ZFHX3: variants seen among roughly 807,000 people sequenced by gnomAD.
The protein encoded by ZFHX3 is zinc finger homeobox protein 3.
ZFHX3 carries 42 observed loss-of-function variants against 279.1 expected under a neutral mutation model. The ratio of observed to expected loss-of-function variants is 0.15; its 90% CI spans 0.12 to 0.19. ZFHX3 has a LOEUF of 0.19. ZFHX3 is among the 10% of genes least tolerant of loss of function. ZFHX3 has a pLI of 1.00. For synonymous variants in ZFHX3, 2,293 were observed against 1,957.8 expected (o/e 1.17, Z -4.52); for missense variants, 4,981 against 4,754.0 (o/e 1.05, Z -1.40).
chr16:73,233,840 C>T (rs1219532030), intron 5 of ZFHX3: 4 of 152,192 alleles, frequency 2.6e-5, no homozygotes, highest in Non-Finnish European at 5.9e-5. Flanking sequence ...TATCCTCCTT[C>T]TTTTCTGATT....
chr16:73,217,400 T>C (rs1490424471), intron 5 of ZFHX3, among the ~76,000 whole-genome samples: 1 of 151,986 alleles, frequency 6.6e-6, no homozygotes, highest in Non-Finnish European at 1.5e-5. Flanking sequence ...AAAATCTGAG[T>C]CAAATAAGGA....
rs980257462 is a variant in ZFHX3, at chr16:72,795,847, G to A, written c.6835C>T (p.Leu2279=). 6 of 1,614,106 alleles carry A rather than the reference G, an allele frequency of 3.7e-6. No homozygotes were observed. The highest frequency in any genetic ancestry group is 5.1e-6 in the Non-Finnish European group (6 of 1,180,064). ...ACTATCACTCGGGTTGGAAGGTTCA[G>A]TAAATTAGAGAGTTGCTCAAATTCA... ...DDEFEQLSNL[L]NLPTRVIVVW... Residue 2279 remains leucine, a synonymous_variant, in exon 9 of 10, where the codon CTG becomes TTG. Coordinates refer to ENST00000268489, the MANE Select transcript of ZFHX3 (RefSeq NM_006885.4).
intron 4 of ZFHX3, among the ~76,000 whole-genome samples, chr16:72,841,572 A>G (rs1399942474): frequency 6.6e-6 from 1 of 152,098 alleles, no homozygotes; most frequent in African/African-American, 2.4e-5. Context: ...GTACAATGAA[A>G]CGGTCTTTTG....
rs369156974 is a variant in ZFHX3 at position 72,950,504 on chromosome 16, T to C, written c.3181A>G (p.Asn1061Asp). ...TTCAGGCTGGCCTCGTGCCTGGAGT[T>C]GACCGTGTGCAGCCGCAGCTTCTCC... ...SLEKLRLHTV[N>D]SRHEASLKLY... is the part of the protein sequence containing the mutation. Residue 1061 changes from asparagine to aspartate, a missense_variant, in exon 3 of 10, where the codon AAC becomes GAC. Transcript: ENST00000268489. 15 of 1,614,098 alleles carry C rather than the reference T, an allele frequency of 9.3e-6. No homozygotes were observed. The highest frequency in any genetic ancestry group is 1.3e-5 in the Non-Finnish European group (15 of 1,180,028).
chr16:73,787,861 G>A (rs1273035006), intron 1 of ZFHX3, among the ~76,000 whole-genome samples: 6 of 151,520 alleles, frequency 4.0e-5, no homozygotes, highest in Non-Finnish European at 5.9e-5. Context: ...GTGAAAGAGA[G>A]AGAGAGAGAG....
intron 2 of ZFHX3, among the ~76,000 whole-genome samples, chr16:73,489,812 G>A (rs556549960): frequency 4.6e-5 from 7 of 151,152 alleles, no homozygotes; most frequent in Admixed American, 4.6e-4. Context: ...TTTTTTTTCT[G>A]ACTGAATAAA....
chr16:73,066,607 C>A (rs868548910), intron 8 of ZFHX3, among the ~76,000 whole-genome samples: 13 of 152,268 alleles, frequency 8.5e-5, no homozygotes, highest in Middle Eastern at 3.4e-3. Flanking sequence ...GAAACAGGCC[C>A]GGGCGGAGCA....
intron 4 of ZFHX3, among the ~76,000 whole-genome samples, chr16:73,281,538 C>G (rs2014457542): frequency 6.6e-6 from 1 of 152,186 alleles, no homozygotes; most frequent in Non-Finnish European, 1.5e-5. Flanking sequence ...CTGTAGCTAA[C>G]AATACTGTGC....
intron 5 of ZFHX3, among the ~76,000 whole-genome samples, chr16:73,203,905 G>A (rs1453531259): frequency 1.3e-5 from 2 of 152,210 alleles, no homozygotes; most frequent in Non-Finnish European, 2.9e-5. Flanking sequence ...GTATATGAAA[G>A]CTGGAATTGT....
At chr16:73,602,371 T>C (rs942583488) in intron 2 of ZFHX3, among the ~76,000 whole-genome samples, 5 of 152,164 alleles carry the variant, frequency 3.3e-5, no homozygotes, top group African/African-American at 1.2e-4. Context: ...GCTTCCATTT[T>C]ACCATGGAAT....
At chr16:73,066,290 G>C (rs1965751674) in intron 8 of ZFHX3, among the ~76,000 whole-genome samples, 1 of 152,204 alleles carries the variant, frequency 6.6e-6, no homozygotes, top group Non-Finnish European at 1.5e-5. Flanking sequence ...GTATAGCGCA[G>C]GCCCCTTCCC....
Position 72,958,892 on chromosome 16 carries a change from G to A in ZFHX3, c.1254C>T (p.Val418=), listed in dbSNP as rs749382148. The change falls in exon 2 of 10, where the codon GTC becomes GTT. Residue 418 remains valine, a synonymous_variant. Transcript: ENST00000268489. ...SSVLKTPITS[V]PLGPLASSPT... ...GACTGGAAGCCAGAGGCCCCAGGGG[G>A]ACTGAGGTAATGGGGGTCTTCAGTA... 1.2e-6 allele frequency: 2 copies of A among 1,610,050 alleles called. No individual in the cohort carries two copies. The highest frequency in any genetic ancestry group is 1.7e-4 in the Middle Eastern group (1 of 6,040).
chr16:73,514,511 T>C (rs891804256), intron 2 of ZFHX3, among the ~76,000 whole-genome samples: 3 of 152,194 alleles, frequency 2.0e-5, no homozygotes, highest in African/African-American at 7.2e-5. Flanking sequence ...AAGCTGAATA[T>C]CCTGAACTAT....
intron 4 of ZFHX3, among the ~76,000 whole-genome samples, chr16:72,884,977 G>T (rs926460608): frequency 6.6e-6 from 1 of 152,158 alleles, no homozygotes; most frequent in Non-Finnish European, 1.5e-5. Context: ...TGGTCTTGCA[G>T]AAAAAACACT....
At chr16:73,658,036 A>C (rs527259345) in intron 2 of ZFHX3, among the ~76,000 whole-genome samples, 1 of 152,352 alleles carries the variant, frequency 6.6e-6, no homozygotes, top group African/African-American at 2.4e-5. Flanking sequence ...TCATTTTAAT[A>C]GAGAGTAGAT....
chr16:73,834,219 T>C (rs1363889331), intron 1 of ZFHX3, among the ~76,000 whole-genome samples: 1 of 152,200 alleles, frequency 6.6e-6, no homozygotes, highest in African/African-American at 2.4e-5. Context: ...TCTTTTTCCA[T>C]GAAACACATT....
chr16:73,750,205 G>C (rs552708032), intron 1 of ZFHX3, among the ~76,000 whole-genome samples: 13 of 152,294 alleles, frequency 8.5e-5, no homozygotes, highest in Non-Finnish European at 1.8e-4. Flanking sequence ...TCCATAAAGG[G>C]AAGGCTGGAT....
In ZFHX3 at chr16:73,458,998, C is replaced by T. The variant is rs73598923; in HGVS notation, c.-1546-2740G>A. Among the ~76,000 whole-genome samples the T allele has an allele frequency of 9.0e-4, 137 of 152,320 alleles. 1 individual carries two copies. The highest frequency in any genetic ancestry group is 3.0e-3 in the African/African-American group (125 of 41,582). On this transcript the variant is annotated intron_variant, in intron 2 of 17. Transcript: ENST00000641206. ...ATGAAACTCTTCCATCTGCTTTTAA[C>T]GTCTCACTTTCTATCACACCTATCT...
At chr16:73,469,687 G>A (rs568337374) in intron 2 of ZFHX3, among the ~76,000 whole-genome samples, 5 of 151,970 alleles carry the variant, frequency 3.3e-5, no homozygotes, top group South Asian at 2.1e-4. Flanking sequence ...GCGTGATCTC[G>A]ACTCACTGCA....
Sources: gnomAD v4.1 joint callset for allele counts (sites outside exome capture counted in the v4.1 genomes callset) on GRCh38, gnomAD v4.1.1 for gene constraint, MANE v1.5 for transcripts, NCBI Gene and HGNC (gene_info 2026-07-23, HGNC 2026-07-21) for gene names.